Variants in PLCL2 observed in about 807,000 individuals in gnomAD.
PLCL2 encodes the protein inactive phospholipase C-like protein 2.
A neutral mutation model predicts 79.6 loss-of-function variants in PLCL2; 4 were observed. The observed-to-expected ratio is 0.05, with a 90% CI of 0.02 to 0.11. PLCL2 has a LOEUF of 0.11. PLCL2 is among the 10% of genes least tolerant of loss of function. PLCL2 has a pLI of 1.00. For missense variants in PLCL2, 895 were observed against 1,291.0 expected, an observed-to-expected ratio of 0.69 and a Z score of 4.70; for synonymous variants, 484 against 457.7, an observed-to-expected ratio of 1.06 and a Z score of -0.73.
intron 4 of PLCL2, among the ~76,000 whole-genome samples, chr3:17,046,056 G>A (rs1178294610): frequency 6.6e-6 from 1 of 152,118 alleles, no homozygotes; most frequent in African/African-American, 2.4e-5. Context: ...TCCTGCAGGG[G>A]TGATATGGGA....
At chr3:17,039,607 G>A (rs2124917598) in intron 3 of PLCL2, among the ~76,000 whole-genome samples, 1 of 152,302 alleles carries the variant, frequency 6.6e-6, no homozygotes, top group Middle Eastern at 3.4e-3. Flanking sequence ...TATAACAGGT[G>A]TGACAACATG....
intron 1 of PLCL2, among the ~76,000 whole-genome samples, chr3:16,971,936 T>C (rs1366348341): frequency 6.6e-6 from 1 of 152,138 alleles, no homozygotes; most frequent in Non-Finnish European, 1.5e-5. Flanking sequence ...AACCACATGA[T>C]TATCTCAATA....
intron 5 of PLCL2, among the ~76,000 whole-genome samples, chr3:17,070,483 G>A (rs190915472): frequency 2.2e-4 from 33 of 152,284 alleles, no homozygotes; most frequent in Admixed American, 5.9e-4. Context: ...TGGGGTAATA[G>A]GTCTTTTTTT....
chr3:16,927,687 A>G (rs1161484247), intron 1 of PLCL2, among the ~76,000 whole-genome samples: 3 of 151,002 alleles, frequency 2.0e-5, no homozygotes, highest in African/African-American at 4.8e-5. Context: ...TACCCACTAG[A>G]TGTCAGTAGT....
At chr3:16,933,034 C>G (rs1424196663) in intron 1 of PLCL2, 4 of 152,904 alleles carry the variant, frequency 2.6e-5, no homozygotes, top group Non-Finnish European at 2.9e-5. Flanking sequence ...AAGGTTGATT[C>G]CAGCACCACT....
At chr3:16,930,361 C>T (rs898318976) in intron 1 of PLCL2, among the ~76,000 whole-genome samples, 2 of 152,114 alleles carry the variant, frequency 1.3e-5, no homozygotes, top group Non-Finnish European at 2.9e-5. Flanking sequence ...AATGGCCCTC[C>T]CTCAAATACT....
chr3:16,981,692 C>G (rs1471584145), intron 1 of PLCL2, among the ~76,000 whole-genome samples: 2 of 152,154 alleles, frequency 1.3e-5, no homozygotes, highest in Non-Finnish European at 2.9e-5. Context: ...AGTTGTGGTC[C>G]ACTTTATTTC....
chr3:16,933,826 T>C (rs1697470395), intron 1 of PLCL2, among the ~76,000 whole-genome samples: 1 of 151,920 alleles, frequency 6.6e-6, no homozygotes, highest in South Asian at 2.1e-4. Context: ...CCAGCTCTCT[T>C]GGAGGCTGAG....
intron 1 of PLCL2, among the ~76,000 whole-genome samples, chr3:16,963,348 CA>C (rs1183573652): frequency 6.6e-6 from 1 of 151,920 alleles, no homozygotes; most frequent in Non-Finnish European, 1.5e-5. Context: ...AAAAATGTAG[CA>C]AGCCATCATA....
At chr3:17,021,956 C>T (rs959390068) in intron 3 of PLCL2, among the ~76,000 whole-genome samples, 9 of 152,100 alleles carry the variant, frequency 5.9e-5, no homozygotes, top group African/African-American at 1.2e-4. Flanking sequence ...AAATGGGACC[C>T]GGCTGTTAGC....
chr3:16,886,121 T>C lies in PLCL2; in HGVS notation c.327+755T>C, dbSNP rs1212590953. On this transcript the variant is annotated intron_variant, in intron 1 of 5. Transcript: ENST00000615277. This position sits in a 1 kb window ranked among gnomAD's most constrained non-coding sequence, Gnocchi z 4.2. ...TTTTGAGCATTTTAAACTCAAGAAG[T>C]AATATTAGGAACTCCCGAGTTTGTG... 6.6e-6 allele frequency among the ~76,000 whole-genome samples: 1 copy of C among 152,198 alleles called. No individual in the cohort carries two copies. Among genetic ancestry groups the C allele is most frequent in the Non-Finnish European group, 1.5e-5 (1 of 68,042 alleles).
At chr3:17,059,506 A>ATACACACATT (rs2064925776) in intron 4 of PLCL2, among the ~76,000 whole-genome samples, 1 of 151,322 alleles carries the variant, frequency 6.6e-6, no homozygotes, top group Admixed American at 6.6e-5. Flanking sequence ...GTGTGTATAT[A>ATACACACATT]TACACACATA....
chr3:16,998,911 A>G lies in PLCL2; in HGVS notation c.328-10763A>G, dbSNP rs369069724. ...TTGGAAATTTGTTTTCTTCACATGTAGCTGTTTTGGGTGCTGTAGGTTTAT... is the reference window on the plus strand; with the variant it reads ...TTGGAAATTTGTTTTCTTCACATGTGGCTGTTTTGGGTGCTGTAGGTTTAT... On this transcript the variant is annotated intron_variant, in intron 1 of 5. Transcript: ENST00000615277. Among the ~76,000 whole-genome samples the G allele has an allele frequency of 3.3e-5, 5 of 152,314 alleles. No homozygotes were observed. In the East Asian group the frequency reaches 9.6e-4, roughly 29 times the overall value.
At chr3:17,058,845 A>AG (rs2064917303) in intron 4 of PLCL2, among the ~76,000 whole-genome samples, 1 of 152,164 alleles carries the variant, frequency 6.6e-6, no homozygotes, top group East Asian at 1.9e-4. Context: ...AGGTATTTCA[A>AG]GGAGATACCA....
Position 17,036,393 on chromosome 3 carries a change from T to C in PLCL2, c.3019-6481T>C, listed in dbSNP as rs367963933. ...CTTCCATTAGTTCAACTTTGTAACA[T>C]TTTTCTGTACTTGGAAGCTTTAGTA... On this transcript the variant is annotated intron_variant, in intron 3 of 5. Coordinates refer to ENST00000615277, the MANE Select transcript of PLCL2 (RefSeq NM_001144382.2). Among the ~76,000 whole-genome samples the C allele has an allele frequency of 5.9e-5, 9 of 152,332 alleles. 1 individual carries two copies. The highest frequency in any genetic ancestry group is 6.5e-5 in the Admixed American group (1 of 15,302).
Position 17,009,991 on chromosome 3 carries a change from T to C in PLCL2, c.645T>C (p.Asp215=), listed in dbSNP as rs1446119348. 27 of 1,614,016 alleles carry C rather than the reference T, an allele frequency of 1.7e-5. No homozygotes were observed. Among genetic ancestry groups the C allele is most frequent in the Non-Finnish European group, 2.3e-5 (27 of 1,179,992 alleles). The part of the protein sequence containing the change: ...SNGISDQISE[D]CAFSVIYGEN... ...GCATTTCTGACCAGATATCTGAAGATTGTGCGTTTTCCGTCATATATGGAG... is the reference window on the plus strand; with the variant it reads ...GCATTTCTGACCAGATATCTGAAGACTGTGCGTTTTCCGTCATATATGGAG... Residue 215 remains aspartate (D), a synonymous_variant, in exon 2 of 6, where the codon GAT becomes GAC. Transcript: ENST00000615277. The surrounding 1 kb of genome is among the most constrained non-coding windows in gnomAD (Gnocchi z 4.0).
At chr3:16,928,878 C>G (rs181221121) in intron 1 of PLCL2, among the ~76,000 whole-genome samples, 3 of 152,188 alleles carry the variant, frequency 2.0e-5, no homozygotes, top group Non-Finnish European at 2.9e-5. Context: ...GAATTTGCTT[C>G]TTGGAGGTTG....
chr3:16,983,697 C>T (rs747035653), intron 1 of PLCL2, among the ~76,000 whole-genome samples: 34 of 152,080 alleles, frequency 2.2e-4, no homozygotes, highest in Non-Finnish European at 8.8e-5. Flanking sequence ...GAGAATTGTC[C>T]ACTACTAAGT....
chr3:17,033,999 T>C (rs951763533), intron 3 of PLCL2, among the ~76,000 whole-genome samples: 1 of 152,194 alleles, frequency 6.6e-6, no homozygotes, highest in African/African-American at 2.4e-5. Flanking sequence ...AGAACTGTCA[T>C]ACTGCAGTTA....
Sources: allele counts gnomAD v4.1 joint callset (sites outside exome capture counted in the v4.1 genomes callset), GRCh38; gene constraint gnomAD v4.1.1; non-coding constraint Gnocchi (gnomAD v3.1); transcripts MANE v1.5; gene names NCBI Gene and HGNC (gene_info 2026-07-23, HGNC 2026-07-21).